The following SLC71A2 variants were observed in gnomAD, a reference collection of about 807,000 sequenced individuals.
SLC71A2 encodes the protein hippocampus abundant transcript-like 1.
the SLC71A2 span, among the ~76,000 whole-genome samples, chr9:94,414,802 T>G: frequency 6.6e-6 from 1 of 152,114 alleles, no homozygotes; most frequent in Non-Finnish European, 1.5e-5. Flanking sequence ...TGGGACCAAG[T>G]AGCCTGCCAC....
the SLC71A2 span, chr9:94,460,268 A>G: frequency 6.6e-6 from 1 of 152,638 alleles, no homozygotes; most frequent in Non-Finnish European, 1.5e-5. Flanking sequence ...GTAACTGGAT[A>G]CGAGTGAAGT....
chr9:94,409,801 G>A, the SLC71A2 span, among the ~76,000 whole-genome samples: 1 of 151,532 alleles, frequency 6.6e-6, no homozygotes, highest in Admixed American at 6.6e-5. Context: ...ATTTCATTCT[G>A]TGTGGTCAAG....
At chr9:94,390,910 A>C in the SLC71A2 span, among the ~76,000 whole-genome samples, 1 of 151,970 alleles carries the variant, frequency 6.6e-6, no homozygotes, top group Non-Finnish European at 1.5e-5. Context: ...TCCTTTCTTC[A>C]CAAGTTTAGA....
At chr9:94,403,960 C>T in the SLC71A2 span, among the ~76,000 whole-genome samples, 8 of 152,256 alleles carry the variant, frequency 5.3e-5, no homozygotes, top group African/African-American at 1.4e-4. Flanking sequence ...GGGTTTATGT[C>T]ATGAGGGCTA....
At chr9:94,401,371 A>G in the SLC71A2 span, among the ~76,000 whole-genome samples, 1 of 152,068 alleles carries the variant, frequency 6.6e-6, no homozygotes, top group Non-Finnish European at 1.5e-5. Context: ...ATGGGGTTTC[A>G]CCGTGTTGGC....
the SLC71A2 span, among the ~76,000 whole-genome samples, chr9:94,451,108 C>T: frequency 2.0e-5 from 3 of 152,176 alleles, no homozygotes; most frequent in Non-Finnish European, 2.9e-5. Context: ...ATGAGCAATG[C>T]TGTATTGGCA....
At chr9:94,404,038 C>G in the SLC71A2 span, among the ~76,000 whole-genome samples, 1 of 152,128 alleles carries the variant, frequency 6.6e-6, no homozygotes, top group African/African-American at 2.4e-5. Context: ...CCTCTTTTGC[C>G]CTTCCACCTT....
the SLC71A2 span, among the ~76,000 whole-genome samples, chr9:94,433,497 A>G: frequency 6.6e-6 from 1 of 150,800 alleles, no homozygotes; most frequent in African/African-American, 2.5e-5. Context: ...ACATCGAGAA[A>G]CCCTGTCTTT....
At chr9:94,459,083 T>C in the SLC71A2 span, 2 of 1,457,444 alleles carry the variant, frequency 1.4e-6, no homozygotes, top group Non-Finnish European at 1.9e-6. Context: ...GTGTGTTTTT[T>C]TTGGGTAATC....
the SLC71A2 span, among the ~76,000 whole-genome samples, chr9:94,425,218 C>T: frequency 7.9e-5 from 12 of 152,040 alleles, no homozygotes; most frequent in East Asian, 1.9e-4. Flanking sequence ...GCAGGAGAAT[C>T]GCTTGAACCC....
chr9:94,429,081 A>G, the SLC71A2 span: 4 of 1,463,332 alleles, frequency 2.7e-6, no homozygotes, highest in Non-Finnish European at 3.7e-6. Context: ...GATATTTTAT[A>G]ATTTTTCATT....
At chr9:94,399,573 C>G in the SLC71A2 span, among the ~76,000 whole-genome samples, 1 of 152,150 alleles carries the variant, frequency 6.6e-6, no homozygotes, top group Admixed American at 6.5e-5. Flanking sequence ...TATTTGTAAC[C>G]TTCCACTCCA....
At chr9:94,400,232 CTA>C in the SLC71A2 span, among the ~76,000 whole-genome samples, 3 of 152,004 alleles carry the variant, frequency 2.0e-5, no homozygotes, top group Admixed American at 6.6e-5. Flanking sequence ...AGGAATGTAA[CTA>C]TGTGTGAGGA....
the SLC71A2 span, among the ~76,000 whole-genome samples, chr9:94,391,778 A>G: frequency 6.6e-6 from 1 of 151,226 alleles, no homozygotes; most frequent in African/African-American, 2.4e-5. Context: ...AGTCCCAGCT[A>G]CTTGGGAGGC....
chr9:94,414,966 G>T, the SLC71A2 span, among the ~76,000 whole-genome samples: 1 of 152,118 alleles, frequency 6.6e-6, no homozygotes, highest in Non-Finnish European at 1.5e-5. Flanking sequence ...CCGAAAGTCT[G>T]TAATCTTAGC....
At chr9:94,385,307 CAAATGCATACT>C in the SLC71A2 span, among the ~76,000 whole-genome samples, 1 of 152,174 alleles carries the variant, frequency 6.6e-6, no homozygotes, top group South Asian at 2.1e-4. Context: ...AAGTCATTGC[CAAATGCATACT>C]ATGAAGCTTT....
the SLC71A2 span, among the ~76,000 whole-genome samples, chr9:94,377,740 CAG>C: frequency 5.1e-4 from 78 of 151,600 alleles, no homozygotes; most frequent in Admixed American, 1.6e-3. Flanking sequence ...AAGATACTGG[CAG>C]AGAGATGTCA....
the SLC71A2 span, chr9:94,459,657 A>G: frequency 2.3e-6 from 1 of 440,326 alleles, no homozygotes; most frequent in East Asian, 3.8e-5. Flanking sequence ...CCTTGCAAAT[A>G]ATGTGCAACT....
the SLC71A2 span, among the ~76,000 whole-genome samples, chr9:94,381,865 T>C: frequency 3.3e-5 from 5 of 152,154 alleles, no homozygotes; most frequent in African/African-American, 9.7e-5. Flanking sequence ...AATTGTACAG[T>C]TGTACATTGC....
Sources: allele counts gnomAD v4.1 joint callset (sites outside exome capture counted in the v4.1 genomes callset), GRCh38; gene constraint gnomAD v4.1.1; transcripts MANE v1.5; gene names NCBI Gene and HGNC (gene_info 2026-07-23, HGNC 2026-07-21).